Variants in ABCA13 observed in about 807,000 individuals in gnomAD.
ABCA13 encodes ATP-binding cassette sub-family A member 13.
Under a neutral mutation model 478.7 loss-of-function variants are expected in ABCA13, and 476 were observed. The ratio of observed to expected loss-of-function variants is 0.99; its 90% confidence interval spans 0.92 to 1.07. The LOEUF is 1.07. ABCA13 is among the 50% of genes least tolerant of loss of function. The probability of loss-of-function intolerance (pLI) is 0.00; values close to 1 mark genes in which losing one functional copy is unlikely to be tolerated. For synonymous variants in ABCA13, 2,252 were observed against 2,158.9 expected (o/e 1.04, Z -1.20); for missense variants, 6,060 against 5,910.6 (o/e 1.03, Z -0.83).
chr7:48,512,705 T>C (rs1026343220), intron 51 of ABCA13, among the ~76,000 whole-genome samples: 7 of 152,202 alleles, frequency 4.6e-5, no homozygotes, highest in Admixed American at 2.0e-4. Flanking sequence ...AAATTTTTAT[T>C]AGTTGTTTTG....
In ABCA13 at chr7:48,278,153, T is replaced by G. The variant is rs1296147563; in HGVS notation, c.6959T>G (p.Met2320Arg). 6.7e-7 allele frequency: 1 copy of G among 1,496,558 alleles called. No homozygotes were observed. Among genetic ancestry groups the G allele is most frequent in the Admixed American group, 2.3e-5 (1 of 42,652 alleles). The allele number at this position is 1,496,558 out of a possible 1,614,324, so 92.7% of individuals were successfully genotyped here. ...AAACTGGATCAATTTCTTACCCTGATGATACAAGACAGATTGATGAACATT... is the reference window on the plus strand; with the variant it reads ...AAACTGGATCAATTTCTTACCCTGAGGATACAAGACAGATTGATGAACATT... ...ILKLDQFLTLMIQDRLMNIFS... is the reference protein window; with the variant it reads ...ILKLDQFLTLRIQDRLMNIFS... Residue 2320 changes from methionine to arginine, a missense_variant, in exon 18 of 62, where the codon ATG (methionine) becomes AGG (arginine). Coordinates refer to ENST00000435803, the MANE Select transcript of ABCA13 (RefSeq NM_152701.5).
At chr7:48,558,733 G>A (rs1349709684) in intron 55 of ABCA13, among the ~76,000 whole-genome samples, 1 of 152,028 alleles carries the variant, frequency 6.6e-6, no homozygotes, top group Non-Finnish European at 1.5e-5. Flanking sequence ...CCTCAAAACG[G>A]CTATTTTGAA....
chr7:48,301,770 C>T (rs1429927664), intron 23 of ABCA13, among the ~76,000 whole-genome samples: 1 of 152,134 alleles, frequency 6.6e-6, no homozygotes, highest in African/African-American at 2.4e-5. Flanking sequence ...CACACCCATC[C>T]ACCACCATCT....
At chr7:48,574,680 G>GC (rs1301431804) in intron 55 of ABCA13, among the ~76,000 whole-genome samples, 1 of 152,142 alleles carries the variant, frequency 6.6e-6, no homozygotes, top group Non-Finnish European at 1.5e-5. Flanking sequence ...ACTAATAACA[G>GC]CTTTGCTTAG....
chr7:48,507,559 C>A (rs190233146), intron 49 of ABCA13, among the ~76,000 whole-genome samples: 1 of 152,234 alleles, frequency 6.6e-6, no homozygotes. Flanking sequence ...GGATGCTGCT[C>A]AGAGGATATC....
At chr7:48,619,938 C>T (rs944365910) in intron 59 of ABCA13, among the ~76,000 whole-genome samples, 6 of 152,064 alleles carry the variant, frequency 3.9e-5, no homozygotes, top group African/African-American at 7.2e-5. Flanking sequence ...GTTTTTCATG[C>T]GTTATGGGCT....
At position 48,295,553 on chromosome 7, in the gene ABCA13, C is replaced by T. The variant is rs892619505; in HGVS notation, c.8956-147C>T. 1.9e-5 allele frequency: 19 copies of T among 1,018,148 alleles called. 1 individual carries two copies. The highest frequency in any genetic ancestry group is 7.1e-5 in the South Asian group (4 of 56,728). 63.1% of individuals were successfully genotyped at this position (1,018,148 alleles called of 1,614,324 possible). ...TAAAATCTGGGCTTCTGTATTTCCA[C>T]AGCCAAGGGCTCTTTCTACTACTCT... On this transcript the variant is annotated intron_variant, in intron 20 of 61. Transcript: ENST00000435803.
intron 27 of ABCA13, among the ~76,000 whole-genome samples, chr7:48,334,874 A>C (rs1396206984): frequency 6.6e-6 from 1 of 152,230 alleles, no homozygotes; most frequent in East Asian, 1.9e-4. Context: ...TATTTTATTT[A>C]AACTATTTCC....
intron 1 of ABCA13, among the ~76,000 whole-genome samples, chr7:48,182,517 A>T (rs1795826451): frequency 6.6e-6 from 1 of 152,204 alleles, no homozygotes; most frequent in African/African-American, 2.4e-5. Context: ...ACTTGAGTGG[A>T]GAAAGTATTC....
At chr7:48,487,223 T>C (rs904212459) in intron 47 of ABCA13, among the ~76,000 whole-genome samples, 2 of 151,906 alleles carry the variant, frequency 1.3e-5, no homozygotes, top group African/African-American at 4.8e-5. Context: ...GGCAAGAGAA[T>C]TGCTTGAACT....
At chr7:48,575,030 A>G (rs1788031897) in intron 55 of ABCA13, among the ~76,000 whole-genome samples, 2 of 150,894 alleles carry the variant, frequency 1.3e-5, no homozygotes, top group South Asian at 4.2e-4. Context: ...CTATCCAGAA[A>G]ATACTTGAAA....
chr7:48,645,381 C>A, intron 61 of ABCA13, 36 bp from the exon 62 acceptor site: 1 of 1,503,338 alleles, frequency 6.7e-7, no homozygotes, highest in South Asian at 1.2e-5. Context: ...GGGTTGTATT[C>A]TTATAAGTAA....
At chr7:48,216,908 T>C (rs1224646278) in intron 3 of ABCA13, among the ~76,000 whole-genome samples, 1 of 152,198 alleles carries the variant, frequency 6.6e-6, no homozygotes, top group Non-Finnish European at 1.5e-5. Flanking sequence ...GATATAGCTC[T>C]CCATTTATTT....
intron 15 of ABCA13, among the ~76,000 whole-genome samples, chr7:48,264,965 G>A (rs1356735769): frequency 1.3e-5 from 2 of 151,598 alleles, no homozygotes; most frequent in Non-Finnish European, 3.0e-5. Context: ...TGTATGTGGT[G>A]TAGGCATATA....
intron 61 of ABCA13, 135 bp from the exon 62 acceptor site, chr7:48,645,282 G>A (rs1795368597): frequency 3.3e-6 from 2 of 614,584 alleles, no homozygotes; most frequent in Middle Eastern, 3.0e-4. Flanking sequence ...GATTTGGGAG[G>A]GAATGGTATG....
At chr7:48,594,606 A>G in intron 57 of ABCA13, 104 bp from the exon 58 acceptor site, 1 of 1,012,424 alleles carries the variant, frequency 9.9e-7, no homozygotes, top group East Asian at 2.4e-5. Context: ...TTAGAGCCAG[A>G]GCAGAGATTT....
rs77446209 is a variant in ABCA13, at chr7:48,468,429, T to C, written c.12905+1384T>C. ...CCTTTTCTTTGTGAAATCTACCTAA[T>C]CTATCCTTAACTCATTTCTATATTT... On this transcript the variant is annotated intron_variant, in intron 44 of 61. Coordinates refer to ENST00000435803, the MANE Select transcript of ABCA13 (RefSeq NM_152701.5). Among the ~76,000 whole-genome samples the C allele has an allele frequency of 3.4e-3, 525 of 152,316 alleles. 1 individual carries two copies. The highest frequency in any genetic ancestry group is 0.012 in the African/African-American group (492 of 41,578).
chr7:48,503,292 G>T (rs116258264), intron 48 of ABCA13, among the ~76,000 whole-genome samples: 1 of 152,276 alleles, frequency 6.6e-6, no homozygotes, highest in East Asian at 1.9e-4. Context: ...GTCTCTCCAT[G>T]TTGTCCAGGC....
chr7:48,592,186 A>G (rs1789826597), intron 57 of ABCA13, among the ~76,000 whole-genome samples: 1 of 134,848 alleles, frequency 7.4e-6, no homozygotes, highest in South Asian at 2.2e-4. Context: ...TAAGATATTT[A>G]TTTGAAATCT....
Sources: allele counts gnomAD v4.1 joint callset (sites outside exome capture counted in the v4.1 genomes callset), GRCh38; gene constraint gnomAD v4.1.1; transcripts MANE v1.5; gene names NCBI Gene and HGNC (gene_info 2026-07-23, HGNC 2026-07-21).